SLC44A1: variants seen among roughly 807,000 people sequenced by gnomAD.
The protein encoded by SLC44A1 is solute carrier family 44 member 1.
SLC44A1 carries 26 observed loss-of-function variants against 79.3 expected under a neutral mutation model. The observed-to-expected ratio is 0.33, with a 90% CI of 0.24 to 0.46. The LOEUF (loss-of-function observed/expected upper bound fraction) is 0.46, where lower values mean the gene tolerates loss of function less well. SLC44A1 is among the 20% of genes least tolerant of loss of function. SLC44A1 has a pLI of 1.00. For synonymous variants in SLC44A1, 263 were observed against 286.2 expected, an observed-to-expected ratio of 0.92 and a Z score of 0.82; for missense variants, 688 against 798.1, an observed-to-expected ratio of 0.86 and a Z score of 1.66.
At chr9:105,428,001 T>C (rs1190456714) in intron 15 of SLC44A1, among the ~76,000 whole-genome samples, 1 of 152,214 alleles carries the variant, frequency 6.6e-6, no homozygotes, top group African/African-American at 2.4e-5. Context: ...CCATTTTTCC[T>C]ACTGTTGAAT....
chr9:105,392,403 CTTTTTTTTTTT>C lies in SLC44A1; in HGVS notation c.*3364_*3374del, dbSNP rs57226567. ...GTAGAGATGCTCTCTCTCTCTCTCTCTTTTTTTTTTTTTTTTTTTTTTTTTTTCCGTGAGGG... is the reference window on the plus strand; with the variant it reads ...GTAGAGATGCTCTCTCTCTCTCTCTCTTTTTTTTTTTTTTTTCCGTGAGGG... On this transcript the variant is annotated 3_prime_UTR_variant, in exon 16 of 16. Transcript: ENST00000374720. 76 of 610,776 alleles carry C rather than the reference CTTTTTTTTTTT, an allele frequency of 1.2e-4. No individual in the cohort carries two copies. Among genetic ancestry groups the C allele is most frequent in the African/African-American group, 3.2e-4 (8 of 24,864 alleles). The allele number at this position is 610,776 out of a possible 1,614,324, so 37.8% of individuals were successfully genotyped here. A position where few individuals can be genotyped will look rare whatever the true frequency, so the allele number is the denominator to read the frequency against.
Position 105,389,252 on chromosome 9 carries a change from T to C in SLC44A1, c.*196T>C. 1.6e-6 allele frequency: 2 copies of C among 1,264,358 alleles called. No homozygotes were observed. Among genetic ancestry groups the C allele is most frequent in the Non-Finnish European group, 2.0e-6 (2 of 1,000,892 alleles). The allele number at this position is 1,264,358 out of a possible 1,614,324, so 78.3% of individuals were successfully genotyped here. A position where few individuals can be genotyped will look rare whatever the true frequency, so the allele number is the denominator to read the frequency against. On this transcript the variant is annotated 3_prime_UTR_variant, in exon 16 of 16. Transcript: ENST00000374720. ...ATTTAATACCTTTTTTATGCTTATTTTTGTCAAACATGTACTCCTTTCATA... is the reference window on the plus strand; with the variant it reads ...ATTTAATACCTTTTTTATGCTTATTCTTGTCAAACATGTACTCCTTTCATA...
intron 15 of SLC44A1, among the ~76,000 whole-genome samples, chr9:105,426,998 C>T (rs1329584160): frequency 2.0e-5 from 3 of 150,988 alleles, no homozygotes; most frequent in Non-Finnish European, 4.4e-5. Context: ...TACAGTGGTG[C>T]GATCATGGCT....
At chr9:105,250,082 C>T (rs1829546459) in intron 1 of SLC44A1, among the ~76,000 whole-genome samples, 1 of 151,662 alleles carries the variant, frequency 6.6e-6, no homozygotes, top group African/African-American at 2.4e-5. Context: ...CACTATGTTG[C>T]CTAGGCTGGT....
At chr9:105,318,450 G>A (rs1243906048) in intron 3 of SLC44A1, among the ~76,000 whole-genome samples, 1 of 152,102 alleles carries the variant, frequency 6.6e-6, no homozygotes, top group African/African-American at 2.4e-5. Context: ...AAAGTGCTGG[G>A]ATTATAGGCG....
chr9:105,293,222 A>G (rs1015826799), intron 1 of SLC44A1, among the ~76,000 whole-genome samples: 7 of 152,238 alleles, frequency 4.6e-5, no homozygotes, highest in African/African-American at 1.4e-4. Flanking sequence ...TTTTTATAGC[A>G]CATTTTCCAT....
chr9:105,375,200 C>T (rs1052394532), intron 13 of SLC44A1, among the ~76,000 whole-genome samples: 3 of 152,148 alleles, frequency 2.0e-5, no homozygotes, highest in African/African-American at 7.2e-5. Flanking sequence ...CCACCACGCC[C>T]GGCTAATTTT....
chr9:105,265,921 T>G (rs560095564), intron 1 of SLC44A1, among the ~76,000 whole-genome samples: 1 of 152,032 alleles, frequency 6.6e-6, no homozygotes, highest in Non-Finnish European at 1.5e-5. Flanking sequence ...TTTCTTGGTG[T>G]TGTATCTTTC....
At chr9:105,288,286 TA>T (rs1052595111) in intron 1 of SLC44A1, among the ~76,000 whole-genome samples, 12 of 138,202 alleles carry the variant, frequency 8.7e-5, no homozygotes, top group African/African-American at 4.1e-4. Context: ...AGTTAATTTG[TA>T]ATTTTTTTTC....
intron 12 of SLC44A1, 67 bp from the exon 13 acceptor site, chr9:105,374,531 C>T: frequency 6.7e-7 from 1 of 1,499,452 alleles, no homozygotes; most frequent in Non-Finnish European, 9.1e-7. Flanking sequence ...TTTAGCTATG[C>T]TCAGTTTCTA....
At chr9:105,282,466 C>T (rs1257317163) in intron 1 of SLC44A1, among the ~76,000 whole-genome samples, 1 of 152,122 alleles carries the variant, frequency 6.6e-6, no homozygotes, top group East Asian at 1.9e-4. Flanking sequence ...CAATAGTCTT[C>T]TGATCAGACT....
chr9:105,412,914 A>G (rs946057926), intron 15 of SLC44A1, among the ~76,000 whole-genome samples: 4 of 152,082 alleles, frequency 2.6e-5, no homozygotes, highest in Middle Eastern at 3.2e-3. Flanking sequence ...ACTCTGCATT[A>G]CTTTTTATAG....
chr9:105,411,114 G>A (rs1460966643), intron 15 of SLC44A1, among the ~76,000 whole-genome samples: 1 of 152,050 alleles, frequency 6.6e-6, no homozygotes, highest in Non-Finnish European at 1.5e-5. Flanking sequence ...GTGGTGATGG[G>A]TGCAAAACTT....
At chr9:105,346,391 C>G (rs1417877715) in intron 4 of SLC44A1, among the ~76,000 whole-genome samples, 1 of 152,118 alleles carries the variant, frequency 6.6e-6, no homozygotes, top group East Asian at 1.9e-4. Context: ...ATTATGCTAA[C>G]TGAATTCAGA....
chr9:105,425,542 G>T (rs981551831), intron 15 of SLC44A1, among the ~76,000 whole-genome samples: 3 of 152,180 alleles, frequency 2.0e-5, no homozygotes, highest in Non-Finnish European at 4.4e-5. Flanking sequence ...TATATTTGGG[G>T]CCAGGTGTAG....
Position 105,394,759 on chromosome 9 carries a change from A to C in SLC44A1, c.*5703A>C. On this transcript the variant is annotated 3_prime_UTR_variant, in exon 16 of 16. Coordinates refer to ENST00000374720, the MANE Select transcript of SLC44A1 (RefSeq NM_080546.5). The stretch of plus-strand genomic sequence containing the variant: ...TTGGCAAAAAATAAATTTGGTAGAA[A>C]GTTGGAGGAGCAGATGCTGAAGGTA... 1 of 985,474 alleles carries C rather than the reference A, an allele frequency of 1.0e-6. No individual in the cohort carries two copies. The highest frequency in any genetic ancestry group is 1.2e-6 in the Non-Finnish European group (1 of 829,948). 61.0% of individuals were successfully genotyped at this position (985,474 alleles called of 1,614,324 possible).
intron 3 of SLC44A1, among the ~76,000 whole-genome samples, chr9:105,311,340 A>G (rs1831174339): frequency 6.6e-6 from 1 of 152,190 alleles, no homozygotes; most frequent in South Asian, 2.1e-4. Context: ...ATAAAATATT[A>G]CAATTTAGAT....
At chr9:105,411,479 TGTGC>T (rs10595594) in intron 15 of SLC44A1, among the ~76,000 whole-genome samples, 7,284 of 149,812 alleles carry the variant, frequency 0.049, 588 homozygotes, top group African/African-American at 0.17. Flanking sequence ...TGTGTGTGTG[TGTGC>T]GTGTGCATTT....
At chr9:105,433,874 T>A (rs1745017221) in intron 15 of SLC44A1, among the ~76,000 whole-genome samples, 1 of 152,212 alleles carries the variant, frequency 6.6e-6, no homozygotes. Flanking sequence ...TAGTGCTGCT[T>A]TCTTAAATAA....
Sources: gnomAD v4.1 joint callset for allele counts (sites outside exome capture counted in the v4.1 genomes callset) on GRCh38, gnomAD v4.1.1 for gene constraint, MANE v1.5 for transcripts, NCBI Gene and HGNC (gene_info 2026-07-23, HGNC 2026-07-21) for gene names.